BORCS7: variants seen among roughly 807,000 people sequenced by gnomAD.
The protein encoded by BORCS7 is BLOC-1-related complex subunit 7.
Under a neutral mutation model 17.5 loss-of-function variants are expected in BORCS7, and 20 were observed. That is an observed-to-expected ratio of 1.14 (90% CI 0.80 to 1.66). The LOEUF is 1.66. Among genes scored for constraint, BORCS7 ranks in the 40% most tolerant of loss-of-function variants. BORCS7 has a pLI of 0.00. For synonymous variants in BORCS7, 57 were observed against 49.8 expected (o/e 1.14, Z -0.61); for missense variants, 122 against 129.7 (o/e 0.94, Z 0.29).
chr10:102,854,943 A>G (rs1844400723), intron 1 of BORCS7, among the ~76,000 whole-genome samples: 2 of 147,008 alleles, frequency 1.4e-5, no homozygotes, highest in South Asian at 4.2e-4. Flanking sequence ...TATATTACAT[A>G]TATAATATAC....
intron 1 of BORCS7, among the ~76,000 whole-genome samples, chr10:102,857,898 C>T (rs919014460): frequency 2.0e-5 from 3 of 152,214 alleles, no homozygotes; most frequent in Admixed American, 6.5e-5. Flanking sequence ...CACGGTGGCT[C>T]ATGCTTATAA....
intron 1 of BORCS7, among the ~76,000 whole-genome samples, chr10:102,859,111 A>T (rs1163543080): frequency 6.6e-6 from 1 of 151,088 alleles, no homozygotes; most frequent in Non-Finnish European, 1.5e-5. Flanking sequence ...TAACCTCATT[A>T]AATTCTGCCT....
intron 1 of BORCS7, among the ~76,000 whole-genome samples, chr10:102,856,104 T>G (rs1355496094): frequency 6.6e-6 from 1 of 152,146 alleles, no homozygotes; most frequent in Non-Finnish European, 1.5e-5. Context: ...AAGGGGTCTC[T>G]GGGGAGAGAG....
At chr10:102,855,640 TTTAGTGAAGAGA>T (rs1844414527) in intron 1 of BORCS7, among the ~76,000 whole-genome samples, 1 of 152,168 alleles carries the variant, frequency 6.6e-6, no homozygotes, top group South Asian at 2.1e-4. Flanking sequence ...AAGTTTACAT[TTTAGTGAAGAGA>T]CAGACGATAA....
chr10:102,855,696 A>C (rs1844415469), intron 1 of BORCS7, among the ~76,000 whole-genome samples: 1 of 152,196 alleles, frequency 6.6e-6, no homozygotes, highest in Non-Finnish European at 1.5e-5. Flanking sequence ...GGTGGTGGTA[A>C]ATCCTGTGAA....
chr10:102,860,620 A>G (rs1844502192), intron 3 of BORCS7, 79 bp downstream of exon 3: 1 of 1,511,500 alleles, frequency 6.6e-7, no homozygotes, highest in Non-Finnish European at 9.2e-7. Context: ...GTGCTTCAGC[A>G]CTTTCCTGTG....
chr10:102,858,511 G>C (rs1250557008), intron 1 of BORCS7, among the ~76,000 whole-genome samples: 1 of 151,998 alleles, frequency 6.6e-6, no homozygotes, highest in Non-Finnish European at 1.5e-5. Flanking sequence ...TTAGGTGAGC[G>C]TGGTGGCATG....
chr10:102,858,736 A>G (rs1009120426), intron 1 of BORCS7, among the ~76,000 whole-genome samples: 1 of 152,178 alleles, frequency 6.6e-6, no homozygotes, highest in African/African-American at 2.4e-5. Flanking sequence ...GGAAAATCCT[A>G]TTTTATTGTT....
chr10:102,856,929 A>G (rs1844436934), intron 1 of BORCS7, among the ~76,000 whole-genome samples: 1 of 152,110 alleles, frequency 6.6e-6, no homozygotes, highest in Non-Finnish European at 1.5e-5. Flanking sequence ...GTTTCAGGCC[A>G]TCCTCATTCC....
chr10:102,859,282 A>G (rs981932256), intron 1 of BORCS7, among the ~76,000 whole-genome samples: 29 of 151,430 alleles, frequency 1.9e-4, no homozygotes, highest in Non-Finnish European at 2.9e-5. Context: ...AACTGGGATT[A>G]CAGGCACGTG....
intron 3 of BORCS7, among the ~76,000 whole-genome samples, chr10:102,861,620 G>A (rs1239713712): frequency 6.6e-6 from 1 of 152,066 alleles, no homozygotes; most frequent in Non-Finnish European, 1.5e-5. Flanking sequence ...GGGAGGCTGA[G>A]GCAGGAGAAC....
rs750572534 is a variant in BORCS7, at chr10:102,860,383, C to T, written c.193C>T (p.His65Tyr). 19 of 1,613,706 alleles carry T rather than the reference C, an allele frequency of 1.2e-5. No homozygotes were observed. The Admixed American group carries it at 3.2e-4, about 27-fold the overall frequency. Residue 65 changes from histidine (H) to tyrosine (Y), a missense_variant, in exon 2 of 5, where the codon CAC becomes TAC. Physicochemically the swap from His to Tyr is moderately conservative, Grantham distance 83. Coordinates refer to ENST00000339834, the MANE Select transcript of BORCS7 (RefSeq NM_001136200.2). ...NMVLQEDAIL[H>Y]SEDSLRKMAI... The stretch of plus-strand genomic sequence containing the variant: ...GGTACTCCAGGAAGATGCCATCTTG[C>T]ACTCAGAAGATGTAAGAAACAACTT...
chr10:102,861,059 A>G (rs991757810), intron 3 of BORCS7, among the ~76,000 whole-genome samples: 1 of 152,198 alleles, frequency 6.6e-6, no homozygotes, highest in Non-Finnish European at 1.5e-5. Context: ...TTTGCTCTTC[A>G]TCTTATTTCA....
chr10:102,856,205 C>T (rs1318798544), intron 1 of BORCS7, among the ~76,000 whole-genome samples: 1 of 152,096 alleles, frequency 6.6e-6, no homozygotes, highest in Non-Finnish European at 1.5e-5. Context: ...CGCTTCTCCT[C>T]CTCCATTTGA....
intron 4 of BORCS7, 126 bp downstream of exon 4, chr10:102,862,306 G>A (rs1844535175): frequency 5.8e-6 from 5 of 855,086 alleles, no homozygotes; most frequent in Non-Finnish European, 3.7e-6. Context: ...AATATGCTCT[G>A]GGATACTCAC....
chr10:102,854,385 C>T lies in BORCS7; in HGVS notation c.99C>T (p.Ile33=). The T allele has an allele frequency of 6.4e-7, 1 of 1,559,908 alleles. No homozygotes were observed. Among genetic ancestry groups the T allele is most frequent in the East Asian group, 2.4e-5 (1 of 42,406 alleles). The part of the protein sequence containing the change: ...EKVTTCGTDV[I]ALTKQVLKGS... ...TGACCACCTGTGGTACTGACGTAAT[C>T]GCGCTCACCAAGCAGGTGCTGAAAG... Residue 33 remains isoleucine, a synonymous_variant, in exon 1 of 5, where the codon ATC becomes ATT. Coordinates refer to ENST00000339834, the MANE Select transcript of BORCS7 (RefSeq NM_001136200.2).
intron 1 of BORCS7, 79 bp from the exon 2 acceptor site, chr10:102,860,253 A>G: frequency 2.6e-6 from 3 of 1,147,772 alleles, no homozygotes; most frequent in Admixed American, 1.9e-5. Flanking sequence ...GAGAGAGGGT[A>G]GTAGTGTAAC....
chr10:102,855,343 A>G (rs1844409856), intron 1 of BORCS7, among the ~76,000 whole-genome samples: 2 of 151,784 alleles, frequency 1.3e-5, no homozygotes, highest in African/African-American at 4.8e-5. Context: ...TTCTTAGTAG[A>G]GATGAGGTTT....
In BORCS7 at chr10:102,862,184, A is replaced by G; in HGVS notation, c.269+4A>G. On this transcript the variant is annotated splice_donor_region_variant and intron_variant, in intron 4 of 4. Transcript: ENST00000339834. The stretch of plus-strand genomic sequence containing the variant: ...GGCAAGAAGCTATTCAGAAGAAGTA[A>G]GTAACCCCAAAGGTAGAGGAGTAGG... 1 of 1,609,042 alleles carries G rather than the reference A, an allele frequency of 6.2e-7. No homozygotes were observed.
Sources: gnomAD v4.1 joint callset for allele counts (sites outside exome capture counted in the v4.1 genomes callset) on GRCh38, gnomAD v4.1.1 for gene constraint, MANE v1.5 for transcripts, NCBI Gene and HGNC (gene_info 2026-07-23, HGNC 2026-07-21) for gene names.